Variants in DPP10 observed in about 807,000 individuals in gnomAD.
DPP10 encodes inactive dipeptidyl peptidase 10.
A neutral mutation model predicts 120.9 loss-of-function variants in DPP10; 33 were observed. The observed-to-expected ratio is 0.27, with a 90% CI of 0.21 to 0.37. DPP10 has a LOEUF of 0.37. Ranked by LOEUF, DPP10 falls within the 10% of genes least tolerant of loss-of-function variation. The pLI is 1.00. For missense variants in DPP10, 816 were observed against 942.8 expected (o/e 0.87, Z 1.76); for synonymous variants, 337 against 326.1 (o/e 1.03, Z -0.36).
chr2:115,038,962 G>A (rs992779545), intron 1 of DPP10, among the ~76,000 whole-genome samples: 5 of 152,134 alleles, frequency 3.3e-5, no homozygotes, highest in African/African-American at 1.2e-4. Flanking sequence ...AAAATTTATG[G>A]TGAAAATATT....
chr2:115,772,274 GTTTAA>G (rs926938531), intron 13 of DPP10, among the ~76,000 whole-genome samples: 7 of 152,172 alleles, frequency 4.6e-5, no homozygotes, highest in African/African-American at 1.4e-4. Context: ...GTTGTTCTGT[GTTTAA>G]TTTAGTGGCA....
At chr2:115,776,521 G>C (rs1369528977) in intron 13 of DPP10, among the ~76,000 whole-genome samples, 1 of 152,030 alleles carries the variant, frequency 6.6e-6, no homozygotes, top group African/African-American at 2.4e-5. Flanking sequence ...TCATTGATGG[G>C]TATTTGGGTT....
intron 3 of DPP10, among the ~76,000 whole-genome samples, chr2:115,438,539 A>G (rs971517341): frequency 1.3e-5 from 2 of 152,224 alleles, no homozygotes; most frequent in Non-Finnish European, 2.9e-5. Context: ...TGGTATATAC[A>G]TGCAATAAAA....
intron 1 of DPP10, among the ~76,000 whole-genome samples, chr2:114,495,119 A>G (rs989551077): frequency 6.6e-6 from 1 of 152,178 alleles, no homozygotes; most frequent in Non-Finnish European, 1.5e-5. Context: ...GGATTATAGA[A>G]ATAGTAAAAA....
chr2:114,570,425 C>T (rs1051448836), intron 1 of DPP10, among the ~76,000 whole-genome samples: 5 of 151,964 alleles, frequency 3.3e-5, no homozygotes, highest in East Asian at 1.9e-4. Context: ...ACTAGATGTT[C>T]GAATATAACT....
chr2:114,998,522 G>A (rs897837296), intron 1 of DPP10, among the ~76,000 whole-genome samples: 1 of 152,146 alleles, frequency 6.6e-6, no homozygotes, highest in African/African-American at 2.4e-5. Context: ...ATATACTTAG[G>A]CCTCTGGAAT....
At chr2:115,224,221 A>C (rs2057321943) in intron 1 of DPP10, among the ~76,000 whole-genome samples, 1 of 152,098 alleles carries the variant, frequency 6.6e-6, no homozygotes, top group Non-Finnish European at 1.5e-5. Flanking sequence ...TGGGGATTTG[A>C]ATGGGCTTTC....
At chr2:115,808,022 A>G (rs986142081) in intron 19 of DPP10, among the ~76,000 whole-genome samples, 13 of 152,184 alleles carry the variant, frequency 8.5e-5, no homozygotes, top group African/African-American at 1.9e-4. Flanking sequence ...GATTTTAGCA[A>G]TTTAAAAGCA....
At position 115,777,769 on chromosome 2, in the gene DPP10, G is replaced by GT; in HGVS notation, c.1314-14dup. ...TAGATCTGTGTCTAATGCTTGTGTT[G>GT]TTTTCTTTCCTGGACAGTTACTTTC... On this transcript the variant is annotated splice_polypyrimidine_tract_variant and intron_variant, in intron 14 of 25. Transcript: ENST00000410059. The GT allele has an allele frequency of 6.2e-7, 1 of 1,612,852 alleles. No individual in the cohort carries two copies. Among genetic ancestry groups the GT allele is most frequent in the Non-Finnish European group, 8.5e-7 (1 of 1,179,214 alleles).
intron 1 of DPP10, among the ~76,000 whole-genome samples, chr2:114,617,915 A>C (rs1693797145): frequency 6.6e-6 from 1 of 152,074 alleles, no homozygotes; most frequent in Non-Finnish European, 1.5e-5. Context: ...CACTTGAAGC[A>C]ATCATGAAGC....
chr2:115,142,980 CT>C (rs199880894), intron 1 of DPP10, among the ~76,000 whole-genome samples: 2,471 of 152,196 alleles, frequency 0.016, 34 homozygotes, highest in African/African-American at 0.03. Flanking sequence ...TGAACTTCAA[CT>C]TTTTTTAAGG....
At chr2:114,993,937 C>T (rs969955517) in intron 1 of DPP10, among the ~76,000 whole-genome samples, 7 of 152,026 alleles carry the variant, frequency 4.6e-5, no homozygotes, top group African/African-American at 9.7e-5. Flanking sequence ...ATAGCCTTTC[C>T]GTCATCTCCA....
chr2:115,620,613 T>C (rs2084874732), intron 5 of DPP10, among the ~76,000 whole-genome samples: 1 of 152,226 alleles, frequency 6.6e-6, no homozygotes, highest in South Asian at 2.1e-4. Flanking sequence ...AGAGTCACAC[T>C]CTTCTGTCCA....
intron 5 of DPP10, among the ~76,000 whole-genome samples, chr2:115,532,625 A>C (rs1442567955): frequency 6.6e-6 from 1 of 151,984 alleles, no homozygotes; most frequent in Non-Finnish European, 1.5e-5. Flanking sequence ...CATCTTTACA[A>C]CTGTTTCTCA....
At chr2:115,606,392 A>C (rs1323407553) in intron 5 of DPP10, among the ~76,000 whole-genome samples, 1 of 152,174 alleles carries the variant, frequency 6.6e-6, no homozygotes, top group Non-Finnish European at 1.5e-5. Context: ...ACAAAATAAC[A>C]CTACATTAAA....
intron 5 of DPP10, among the ~76,000 whole-genome samples, chr2:115,528,423 TA>T (rs2078264130): frequency 6.8e-6 from 1 of 148,080 alleles, no homozygotes. Context: ...ACCACATAAA[TA>T]AACCAACATT....
chr2:115,230,773 C>G (rs1009561369), intron 1 of DPP10, among the ~76,000 whole-genome samples: 2 of 151,968 alleles, frequency 1.3e-5, no homozygotes, highest in Non-Finnish European at 2.9e-5. Context: ...TTGGAAACAA[C>G]AGACACGTAT....
intron 4 of DPP10, among the ~76,000 whole-genome samples, chr2:115,520,610 C>G (rs927166999): frequency 5.3e-5 from 8 of 152,070 alleles, no homozygotes; most frequent in African/African-American, 1.9e-4. Flanking sequence ...CTACACAGTT[C>G]CTAAGGTTCT....
intron 1 of DPP10, among the ~76,000 whole-genome samples, chr2:114,883,688 T>C (rs1691828697): frequency 6.6e-6 from 1 of 152,134 alleles, no homozygotes; most frequent in African/African-American, 2.4e-5. Context: ...ATCCTGCTAT[T>C]AAAAAGCAAC....
Sources: gnomAD v4.1 joint callset for allele counts (sites outside exome capture counted in the v4.1 genomes callset) on GRCh38, gnomAD v4.1.1 for gene constraint, MANE v1.5 for transcripts, NCBI Gene and HGNC (gene_info 2026-07-23, HGNC 2026-07-21) for gene names.